NUDCD3: variants seen among roughly 807,000 people sequenced by gnomAD.
NUDCD3 encodes nudC domain-containing protein 3.
In NUDCD3, 13 loss-of-function variants were observed where a neutral mutation model predicts 39.7. The observed-to-expected ratio is 0.33, with a 90% CI of 0.21 to 0.52. NUDCD3 has a LOEUF of 0.52. Ranked by LOEUF, NUDCD3 falls within the 20% of genes least tolerant of loss-of-function variation. The pLI is 0.96. For missense variants in NUDCD3, 453 were observed against 458.1 expected (o/e 0.99, Z 0.10); for synonymous variants, 175 against 172.4 (o/e 1.02, Z -0.12).
chr7:44,446,678 TA>T (rs1422897201), intron 2 of NUDCD3, among the ~76,000 whole-genome samples: 1 of 152,180 alleles, frequency 6.6e-6, no homozygotes, highest in Non-Finnish European at 1.5e-5. Flanking sequence ...GACATTTGGG[TA>T]GGGGGCTGTC....
rs139116262 is a variant in NUDCD3, at chr7:44,388,805, G to A, written c.976-2684C>T. On this transcript the variant is annotated intron_variant, in intron 5 of 5. Coordinates refer to ENST00000355451, the MANE Select transcript of NUDCD3 (RefSeq NM_015332.4). Reference sequence around the variant, plus strand: ...CCTGCATGTCGCTGAAGATCTCCCAGGGCACTTTACTCTGGGGAGGGACAC... The same window carrying A: ...CCTGCATGTCGCTGAAGATCTCCCAAGGCACTTTACTCTGGGGAGGGACAC... Among the ~76,000 whole-genome samples, 52 of 152,350 alleles carry A rather than the reference G, an allele frequency of 3.4e-4. No homozygotes were observed. In the East Asian group the frequency reaches 7.5e-3, roughly 22 times the overall value.
At chr7:44,466,640 T>A (rs1800124706) in intron 2 of NUDCD3, among the ~76,000 whole-genome samples, 1 of 152,208 alleles carries the variant, frequency 6.6e-6, no homozygotes, top group South Asian at 2.1e-4. Context: ...TAGGAGAACT[T>A]GAGCATCCAA....
intron 1 of NUDCD3, among the ~76,000 whole-genome samples, chr7:44,486,211 C>T (rs1800607092): frequency 6.6e-6 from 1 of 152,198 alleles, no homozygotes; most frequent in African/African-American, 2.4e-5. Context: ...AGACAGCAAC[C>T]TGGGACATGG....
At position 44,386,037 on chromosome 7, in the gene NUDCD3, T is replaced by G; in HGVS notation, c.1060A>C (p.Ile354Leu). 1.3e-6 allele frequency: 2 copies of G among 1,579,022 alleles called. No homozygotes were observed. The highest frequency in any genetic ancestry group is 1.7e-6 in the Non-Finnish European group (2 of 1,147,998). ...GQRFDPAMFN[I>L]SPGAVQF ...TAAAACTGCACAGCCCCCGGGGAGA[T>G]GTTGAACATGGCAGGGTCGAATCGC... The change falls in exon 6 of 6, where the codon ATC (isoleucine) becomes CTC (leucine). Residue 354 changes from isoleucine (I) to leucine (L), a missense_variant. By Grantham distance (5) the Ile-to-Leu change is conservative. Transcript: ENST00000355451.
In NUDCD3 at chr7:44,415,333, A is replaced by AAG. The variant is rs147574371; in HGVS notation, c.643-10752_643-10751dup. On this transcript the variant is annotated intron_variant, in intron 3 of 5. Transcript: ENST00000355451. ...TTGTCTCTATTCTGTGGGTACACTGAAGAGAGAGAGAGAGGGAGTCAGCTG... is the reference window on the plus strand; with the variant it reads ...TTGTCTCTATTCTGTGGGTACACTGAAGAGAGAGAGAGAGAGGGAGTCAGCTG... Among the ~76,000 whole-genome samples, 1,032 of 151,556 alleles carry AAG rather than the reference A, an allele frequency of 6.8e-3. 12 individuals are homozygous for AAG. The highest frequency in any genetic ancestry group is 0.023 in the African/African-American group (972 of 41,470).
Position 44,422,278 on chromosome 7 carries a change from T to C in NUDCD3, c.642+5293A>G, listed in dbSNP as rs184311909. On this transcript the variant is annotated intron_variant, in intron 3 of 5. Coordinates refer to ENST00000355451, the MANE Select transcript of NUDCD3 (RefSeq NM_015332.4). Reference sequence around the variant, plus strand: ...TCAAAAGCTAGCAGAAGATAAGAAATAACTAAGATCAGAGCAGAACTGAAG... The same window carrying C: ...TCAAAAGCTAGCAGAAGATAAGAAACAACTAAGATCAGAGCAGAACTGAAG... 9.9e-5 allele frequency among the ~76,000 whole-genome samples: 15 copies of C among 151,284 alleles called. No homozygotes were observed. The East Asian group carries it at 2.9e-3, about 29-fold the overall frequency.
chr7:44,392,502 C>G lies in NUDCD3; in HGVS notation c.787-17G>C, dbSNP rs978450839. 6.2e-7 allele frequency: 1 copy of G among 1,611,460 alleles called. No homozygotes were observed. Among genetic ancestry groups the G allele is most frequent in the African/African-American group, 1.3e-5 (1 of 75,032 alleles). On this transcript the variant is annotated splice_polypyrimidine_tract_variant and intron_variant, in intron 4 of 5. Transcript: ENST00000355451. ...CAGGTTCACCTGGGGACAAGCAGGACAGAGACCTGAGTCAGAGACCTGAGA... is the reference window on the plus strand; with the variant it reads ...CAGGTTCACCTGGGGACAAGCAGGAGAGAGACCTGAGTCAGAGACCTGAGA...
intron 3 of NUDCD3, among the ~76,000 whole-genome samples, chr7:44,417,392 G>A (rs903498614): frequency 4.6e-5 from 7 of 152,178 alleles, no homozygotes; most frequent in Admixed American, 3.9e-4. Flanking sequence ...TTTCCAGTGG[G>A]GAGTTGTCCC....
At chr7:44,390,218 G>A (rs1798486544) in intron 5 of NUDCD3, among the ~76,000 whole-genome samples, 1 of 152,036 alleles carries the variant, frequency 6.6e-6, no homozygotes, top group African/African-American at 2.4e-5. Context: ...TACAAAATTA[G>A]CTGGGCGTGG....
chr7:44,469,015 T>C (rs1800193994), intron 2 of NUDCD3, among the ~76,000 whole-genome samples: 1 of 150,770 alleles, frequency 6.6e-6, no homozygotes, highest in South Asian at 2.1e-4. Context: ...CCATTTGTTT[T>C]GGACTGAGCT....
rs555876323 is a variant in NUDCD3 at position 44,476,204 on chromosome 7, G to A, written c.509+8764C>T. Among the ~76,000 whole-genome samples, 13 of 152,266 alleles carry A rather than the reference G, an allele frequency of 8.5e-5. No homozygotes were observed. In the South Asian group the frequency reaches 2.5e-3, roughly 29 times the overall value. On this transcript the variant is annotated intron_variant, in intron 2 of 5. Coordinates refer to ENST00000355451, the MANE Select transcript of NUDCD3 (RefSeq NM_015332.4). ...TCTCAGGCAGTGTGAGCCTACACAC[G>A]GAAAGAAGTCTCAGGCCTGAAGCAC...
At chr7:44,388,175 C>A (rs1201992353) in intron 5 of NUDCD3, among the ~76,000 whole-genome samples, 1 of 152,204 alleles carries the variant, frequency 6.6e-6, no homozygotes, top group Non-Finnish European at 1.5e-5. Context: ...GAAATCTTGG[C>A]AAATTTAGAA....
chr7:44,413,703 G>A (rs1798971298), intron 3 of NUDCD3, among the ~76,000 whole-genome samples: 1 of 152,180 alleles, frequency 6.6e-6, no homozygotes, highest in South Asian at 2.1e-4. Context: ...CATTGTTGAT[G>A]GATATGTAAG....
chr7:44,469,723 G>A (rs1800212523), intron 2 of NUDCD3, among the ~76,000 whole-genome samples: 1 of 151,842 alleles, frequency 6.6e-6, no homozygotes, highest in African/African-American at 2.4e-5. Context: ...ACACACTAAG[G>A]GCCCACCATG....
intron 4 of NUDCD3, among the ~76,000 whole-genome samples, chr7:44,402,269 C>T (rs957938769): frequency 9.2e-5 from 14 of 152,180 alleles, no homozygotes; most frequent in African/African-American, 3.4e-4. Flanking sequence ...GAGCCTGGCC[C>T]AAAGACTGTG....
chr7:44,456,049 A>C (rs1799892019), intron 2 of NUDCD3, among the ~76,000 whole-genome samples: 1 of 134,640 alleles, frequency 7.4e-6, no homozygotes, highest in South Asian at 2.3e-4. Context: ...AAAAAAAAAA[A>C]ACAAAAAAAC....
chr7:44,469,624 T>C (rs548422440), intron 2 of NUDCD3, among the ~76,000 whole-genome samples: 4 of 152,222 alleles, frequency 2.6e-5, no homozygotes, highest in African/African-American at 9.6e-5. Flanking sequence ...AACTCCACAG[T>C]GGAAGAAATG....
intron 2 of NUDCD3, among the ~76,000 whole-genome samples, chr7:44,474,741 T>C (rs1410287504): frequency 6.6e-6 from 1 of 152,248 alleles, no homozygotes; most frequent in Non-Finnish European, 1.5e-5. Context: ...CAATGTTTCT[T>C]GTGAGAATTT....
Position 44,485,234 on chromosome 7 carries a change from C to T in NUDCD3, c.243G>A (p.Arg81=), listed in dbSNP as rs753069814. ...TTCTGATTTTCTCTTCAAGTTCCTG[C>T]CTTCTCTTCTCATCATCCTGACGGG... ...HMARQDDEKR[R]QELEEKIRRK... The change falls in exon 2 of 6, where the codon AGG becomes AGA. Residue 81 remains arginine (R), a synonymous_variant. Coordinates refer to ENST00000355451, the MANE Select transcript of NUDCD3 (RefSeq NM_015332.4). 72 of 1,613,996 alleles carry T rather than the reference C, an allele frequency of 4.5e-5. No homozygotes were observed. The highest frequency in any genetic ancestry group is 6.1e-5 in the Non-Finnish European group (72 of 1,179,968).
Sources: allele counts gnomAD v4.1 joint callset (sites outside exome capture counted in the v4.1 genomes callset), GRCh38; gene constraint gnomAD v4.1.1; transcripts MANE v1.5; gene names NCBI Gene and HGNC (gene_info 2026-07-23, HGNC 2026-07-21).